The following IL6ST variants were observed in gnomAD, a reference collection of about 807,000 sequenced individuals.
IL6ST encodes interleukin 6 cytokine family signal transducer.
A neutral mutation model predicts 91.3 loss-of-function variants in IL6ST; 24 were observed. The observed-to-expected ratio is 0.26, with a 90% CI of 0.19 to 0.37. The LOEUF (loss-of-function observed/expected upper bound fraction) is 0.37. Among genes scored for constraint, IL6ST ranks in the 10% least tolerant of loss-of-function variants. IL6ST has a pLI of 1.00. For synonymous variants in IL6ST, 351 were observed against 373.6 expected (o/e 0.94, Z 0.70); for missense variants, 914 against 1,078.5 (o/e 0.85, Z 2.14).
Position 55,951,452 on chromosome 5 carries a change from A to T in IL6ST, c.1840+12T>A. 1.2e-6 allele frequency: 2 copies of T among 1,601,984 alleles called. No homozygotes were observed. Among genetic ancestry groups the T allele is most frequent in the Non-Finnish European group, 1.7e-6 (2 of 1,174,568 alleles). Reference sequence around the variant, plus strand: ...TGAGAAAGAAAAAAAACCAAACTTCATTATTTCTTACCAAACTTTGGGGTA... The same window carrying T: ...TGAGAAAGAAAAAAAACCAAACTTCTTTATTTCTTACCAAACTTTGGGGTA... On this transcript the variant is annotated intron_variant, in intron 14 of 16. Coordinates refer to ENST00000381298, the MANE Select transcript of IL6ST (RefSeq NM_002184.4).
chr5:55,986,180 T>C (rs1753958336), intron 1 of IL6ST, among the ~76,000 whole-genome samples: 1 of 152,260 alleles, frequency 6.6e-6, no homozygotes, highest in Non-Finnish European at 1.5e-5. Flanking sequence ...ATTTTCTGAC[T>C]ACTACTTCTA....
intron 9 of IL6ST, 37 bp downstream of exon 9, chr5:55,957,172 G>T: frequency 1.3e-4 from 116 of 925,806 alleles, no homozygotes; most frequent in Middle Eastern, 3.1e-4. Flanking sequence ...AAAAAAAAAA[G>T]ATTTATAAGA....
rs1751973113 is a variant in IL6ST, at chr5:55,956,343, T to C, written c.1057-108A>G. On this transcript the variant is annotated intron_variant, in intron 9 of 16. Coordinates refer to ENST00000381298, the MANE Select transcript of IL6ST (RefSeq NM_002184.4). ...GCCATTATGTCAAATCTCTAAATATTTAACTGGAAAGGATTCACAATCTCC... is the reference window on the plus strand; with the variant it reads ...GCCATTATGTCAAATCTCTAAATATCTAACTGGAAAGGATTCACAATCTCC... The C allele has an allele frequency of 7.6e-6, 5 of 658,268 alleles. No individual in the cohort carries two copies. In the South Asian group the frequency reaches 1.0e-4, roughly 13 times the overall value. 40.8% of individuals were successfully genotyped at this position (658,268 alleles called of 1,614,324 possible).
chr5:55,941,464 C>A lies in IL6ST; in HGVS notation c.2375G>T (p.Arg792Leu). 1 of 1,614,078 alleles carries A rather than the reference C, an allele frequency of 6.2e-7. No homozygotes were observed. The highest frequency in any genetic ancestry group is 1.1e-5 in the South Asian group (1 of 91,078). The change falls in exon 17 of 17, where the codon CGG becomes CTG. Residue 792 changes from arginine (R) to leucine (L), a missense_variant. Physicochemically the swap from Arg to Leu is moderately radical, Grantham distance 102. Coordinates refer to ENST00000381298, the MANE Select transcript of IL6ST (RefSeq NM_002184.4). Reference sequence around the variant, plus strand: ...ATCTACTAATTGTAGATCTTCTGGCCGCTCCTCTGAATCTAACAAGGGCTG... The same window carrying A: ...ATCTACTAATTGTAGATCTTCTGGCAGCTCCTCTGAATCTAACAAGGGCTG... Reference protein sequence around the residue: ...STQPLLDSEERPEDLQLVDHV... With the variant: ...STQPLLDSEELPEDLQLVDHV...
chr5:55,963,469 G>A lies in IL6ST; in HGVS notation c.696C>T (p.Asn232=). ...PNPPHNLSVI[N]SEELSSILKL... ...TTAAGATACTAGACAGTTCCTCTGA[G>A]TTGATCACTGATAAATTATGTGGCG... Residue 232 remains asparagine (N), a synonymous_variant, in exon 7 of 17, where the codon AAC becomes AAT. Transcript: ENST00000381298. The A allele has an allele frequency of 6.2e-7, 1 of 1,609,336 alleles. No individual in the cohort carries two copies. Among genetic ancestry groups the A allele is most frequent in the Admixed American group, 1.7e-5 (1 of 59,482 alleles).
chr5:55,992,878 C>T (rs957328792), intron 1 of IL6ST, among the ~76,000 whole-genome samples: 13 of 152,132 alleles, frequency 8.5e-5, no homozygotes, highest in African/African-American at 2.9e-4. Flanking sequence ...GCTTTGCATC[C>T]TTGTAGTTTT....
chr5:55,984,273 T>C (rs532399506), intron 1 of IL6ST, among the ~76,000 whole-genome samples: 1 of 152,360 alleles, frequency 6.6e-6, no homozygotes, highest in Non-Finnish European at 1.5e-5. Flanking sequence ...CTGTTCTAAA[T>C]ACAATATAAT....
At chr5:55,977,224 A>T (rs1264396172) in intron 2 of IL6ST, among the ~76,000 whole-genome samples, 1 of 151,794 alleles carries the variant, frequency 6.6e-6, no homozygotes, top group Non-Finnish European at 1.5e-5. Flanking sequence ...AGCCAGACAC[A>T]ACAGGTTATA....
In IL6ST at chr5:55,935,555, C is replaced by G. The variant is rs939355502; in HGVS notation, c.*5527G>C. 1.4e-5 allele frequency: 3 copies of G among 217,838 alleles called. No homozygotes were observed. The highest frequency in any genetic ancestry group is 6.7e-5 in the African/African-American group (3 of 44,448). The allele number at this position is 217,838 out of a possible 1,614,324, so 13.5% of individuals were successfully genotyped here. ...AAGAGCCAACCCCGATCAGCAGCAACAGGACTCAAGCTGTTCACCCTGCTT... is the reference window on the plus strand; with the variant it reads ...AAGAGCCAACCCCGATCAGCAGCAAGAGGACTCAAGCTGTTCACCCTGCTT... On this transcript the variant is annotated 3_prime_UTR_variant, in exon 17 of 17. Transcript: ENST00000381298.
At chr5:55,960,659 G>GCT in intron 7 of IL6ST, 98 bp from the exon 8 acceptor site, 1 of 1,154,278 alleles carries the variant, frequency 8.7e-7, no homozygotes, top group Middle Eastern at 2.1e-4. Flanking sequence ...GCACAGCCTT[G>GCT]CTCTGTTGCC....
chr5:55,977,302 C>T (rs1753361351), intron 2 of IL6ST, among the ~76,000 whole-genome samples: 1 of 151,716 alleles, frequency 6.6e-6, no homozygotes, highest in Admixed American at 6.6e-5. Context: ...CTATGTTGCC[C>T]AGGCTGTCTC....
At chr5:55,958,105 A>G (rs915809568) in intron 8 of IL6ST, among the ~76,000 whole-genome samples, 1 of 152,168 alleles carries the variant, frequency 6.6e-6, no homozygotes, top group Non-Finnish European at 1.5e-5. Context: ...CAATCCATAA[A>G]ACATAGTGGT....
chr5:55,972,789 G>T (rs574471416), intron 3 of IL6ST, among the ~76,000 whole-genome samples: 1 of 152,160 alleles, frequency 6.6e-6, no homozygotes, highest in South Asian at 2.1e-4. Context: ...TGGATCACCT[G>T]AGATGAGGAG....
chr5:55,943,220 T>TATAAC (rs1751030028), intron 15 of IL6ST, among the ~76,000 whole-genome samples: 1 of 152,268 alleles, frequency 6.6e-6, no homozygotes, highest in South Asian at 2.1e-4. Flanking sequence ...AGGAAATACC[T>TATAAC]ATAACATTTG....
rs144165080 is a variant in IL6ST, at chr5:55,942,828, C to T, written c.1938-77G>A. 8.8e-4 allele frequency: 670 copies of T among 761,978 alleles called. 2 individuals carry two copies. In the African/African-American group the frequency reaches 0.01, roughly 12 times the overall value. The allele number at this position is 761,978 out of a possible 1,614,324, so 47.2% of individuals were successfully genotyped here. ...AATAGTCCCTATTTCTAAACATGTT[C>T]ATCAAAGACTCTTACAAACCAAACC... On this transcript the variant is annotated intron_variant, in intron 15 of 16. Transcript: ENST00000381298.
rs371061993 is a variant in IL6ST, at chr5:55,942,724, A to G, written c.1965T>C (p.Val655=). 13 of 1,607,420 alleles carry G rather than the reference A, an allele frequency of 8.1e-6. No homozygotes were observed. In the African/African-American group the frequency reaches 1.2e-4, roughly 15 times the overall value. Residue 655 remains valine (V), a synonymous_variant, in exon 16 of 17, where the codon GTT becomes GTC. Coordinates refer to ENST00000381298, the MANE Select transcript of IL6ST (RefSeq NM_002184.4). The part of the protein sequence containing the change: ...DLIKKHIWPN[V]PDPSKSHIAQ... ...CAATATGACTCTTTGAAGGATCTGGAACATTAGGCCAGATGTGTTTTTTAA... is the reference window on the plus strand; with the variant it reads ...CAATATGACTCTTTGAAGGATCTGGGACATTAGGCCAGATGTGTTTTTTAA...
Position 55,940,152 on chromosome 5 carries a change from T to TATATATAC in IL6ST, c.*929_*930insGTATATAT, listed in dbSNP as rs1561147926. The TATATATAC allele has an allele frequency of 1.0e-5, 2 of 199,266 alleles. No homozygotes were observed. Among genetic ancestry groups the TATATATAC allele is most frequent in the Non-Finnish European group, 2.1e-5 (2 of 96,910 alleles). 12.3% of individuals were successfully genotyped at this position (199,266 alleles called of 1,614,324 possible). The stretch of plus-strand genomic sequence containing the variant: ...GTGTGTGTATATATATATATATATA[T>TATATATAC]ACACACATTAGCAATTTAAGCCTTT... On this transcript the variant is annotated 3_prime_UTR_variant, in exon 17 of 17. Coordinates refer to ENST00000381298, the MANE Select transcript of IL6ST (RefSeq NM_002184.4).
At chr5:55,971,083 G>A (rs1168406935) in intron 3 of IL6ST, among the ~76,000 whole-genome samples, 1 of 152,068 alleles carries the variant, frequency 6.6e-6, no homozygotes, top group Non-Finnish European at 1.5e-5. Flanking sequence ...ATCTACCTGA[G>A]ATATCCCATA....
At chr5:55,973,033 A>G (rs1216436599) in intron 3 of IL6ST, among the ~76,000 whole-genome samples, 1 of 152,056 alleles carries the variant, frequency 6.6e-6, no homozygotes, top group East Asian at 1.9e-4. Context: ...CAAAAAAAAA[A>G]AGAATATACT....
Sources: allele counts gnomAD v4.1 joint callset (sites outside exome capture counted in the v4.1 genomes callset), GRCh38; gene constraint gnomAD v4.1.1; transcripts MANE v1.5; gene names NCBI Gene and HGNC (gene_info 2026-07-23, HGNC 2026-07-21).